The following HLCS variants were observed in gnomAD, a reference collection of about 807,000 sequenced individuals.
HLCS encodes the protein holocarboxylase synthetase.
A neutral mutation model predicts 75.0 loss-of-function variants in HLCS; 53 were observed. That is an observed-to-expected ratio of 0.71 (90% CI 0.57 to 0.89). The LOEUF (loss-of-function observed/expected upper bound fraction) is 0.89. Among genes scored for constraint, HLCS ranks in the 40% least tolerant of loss-of-function variants. The probability of loss-of-function intolerance (pLI) is 0.00; values close to 1 mark genes in which losing one functional copy is unlikely to be tolerated. For missense variants in HLCS, 966 were observed against 1,074.0 expected, an observed-to-expected ratio of 0.90 and a Z score of 1.41; for synonymous variants, 431 against 428.6, an observed-to-expected ratio of 1.01 and a Z score of -0.07.
intron 2 of HLCS, among the ~76,000 whole-genome samples, chr21:36,954,477 G>A (rs192637172): frequency 6.0e-5 from 9 of 150,448 alleles, no homozygotes; most frequent in Admixed American, 4.0e-4. Context: ...TTAACCAGGC[G>A]TGGTGGCGGG....
At chr21:36,879,864 T>C (rs1362832518) in intron 6 of HLCS, among the ~76,000 whole-genome samples, 1 of 150,936 alleles carries the variant, frequency 6.6e-6, no homozygotes, top group African/African-American at 2.4e-5. Context: ...GAGCCGAGAT[T>C]GCACCACTAC....
chr21:36,815,504 T>C (rs1307138481), intron 6 of HLCS, among the ~76,000 whole-genome samples: 1 of 152,188 alleles, frequency 6.6e-6, no homozygotes, highest in Non-Finnish European at 1.5e-5. Context: ...GCAAACAGTT[T>C]TAGACATTCA....
chr21:36,780,625 T>A (rs962331188), intron 6 of HLCS, among the ~76,000 whole-genome samples: 3 of 152,182 alleles, frequency 2.0e-5, no homozygotes, highest in African/African-American at 7.2e-5. Context: ...AAGGACAGTA[T>A]AATGAACACT....
At chr21:36,887,644 T>C (rs150000234) in intron 6 of HLCS, among the ~76,000 whole-genome samples, 46 of 152,342 alleles carry the variant, frequency 3.0e-4, no homozygotes, top group African/African-American at 1.0e-3. Flanking sequence ...AGGCCAAAGT[T>C]ATATTTTAAA....
intron 6 of HLCS, among the ~76,000 whole-genome samples, chr21:36,794,789 T>C (rs574589267): frequency 3.9e-5 from 6 of 152,204 alleles, no homozygotes; most frequent in South Asian, 2.1e-4. Context: ...GAGGACCTGA[T>C]GATGAACTGA....
chr21:36,896,829 C>G, intron 6 of HLCS, 31 bp downstream of exon 6: 1 of 1,611,546 alleles, frequency 6.2e-7, no homozygotes, highest in East Asian at 2.2e-5. Flanking sequence ...CAGGACTCCT[C>G]TGAGCAGATG....
At chr21:36,791,717 C>T (rs2060871026) in intron 6 of HLCS, among the ~76,000 whole-genome samples, 1 of 151,934 alleles carries the variant, frequency 6.6e-6, no homozygotes, top group Admixed American at 6.6e-5. Context: ...GGTGGGCCCT[C>T]GAGGGCCACG....
intron 6 of HLCS, among the ~76,000 whole-genome samples, chr21:36,836,444 C>T: frequency 6.8e-6 from 1 of 146,004 alleles, no homozygotes; most frequent in Admixed American, 6.8e-5. Flanking sequence ...GTATATCTCC[C>T]AATGCTATCC....
At chr21:36,947,017 G>A (rs1355254916) in intron 2 of HLCS, among the ~76,000 whole-genome samples, 1 of 152,138 alleles carries the variant, frequency 6.6e-6, no homozygotes, top group Non-Finnish European at 1.5e-5. Flanking sequence ...GAAGGTGCGT[G>A]GGAAACAGGG....
intron 5 of HLCS, among the ~76,000 whole-genome samples, chr21:36,920,370 TGGGAAGGTG>T (rs2066111610): frequency 6.7e-6 from 1 of 148,320 alleles, no homozygotes; most frequent in Non-Finnish European, 1.5e-5. Context: ...CCCACCCTAG[TGGGAAGGTG>T]GGGCAGAGAT....
chr21:36,938,565 T>C (rs2066997938), intron 3 of HLCS, among the ~76,000 whole-genome samples: 1 of 152,214 alleles, frequency 6.6e-6, no homozygotes, highest in African/African-American at 2.4e-5. Context: ...AGTGGCGTGA[T>C]CATGGCTCAC....
At chr21:36,815,521 T>C (rs2061637213) in intron 6 of HLCS, among the ~76,000 whole-genome samples, 1 of 152,222 alleles carries the variant, frequency 6.6e-6, no homozygotes, top group African/African-American at 2.4e-5. Flanking sequence ...TTCATGCTTC[T>C]CATATTATTA....
At position 36,919,018 on chromosome 21, in the gene HLCS, T is replaced by C. The variant is rs79307458; in HGVS notation, c.1620+11233A>G. Reference sequence around the variant, plus strand: ...GATTGTTTCATTTTAGGTATGACGGTGGAATTGTGATTATGTTTTTAAACA... The same window carrying C: ...GATTGTTTCATTTTAGGTATGACGGCGGAATTGTGATTATGTTTTTAAACA... On this transcript the variant is annotated intron_variant, in intron 5 of 10. Coordinates refer to ENST00000674895, the MANE Select transcript of HLCS (RefSeq NM_001352514.2). Among the ~76,000 whole-genome samples, 81 of 152,344 alleles carry C rather than the reference T, an allele frequency of 5.3e-4. 1 individual carries two copies. The East Asian group carries it at 0.015, about 29-fold the overall frequency.
At chr21:36,906,482 T>C (rs2146376304) in intron 5 of HLCS, among the ~76,000 whole-genome samples, 1 of 152,216 alleles carries the variant, frequency 6.6e-6, no homozygotes, top group Non-Finnish European at 1.5e-5. Flanking sequence ...CAACAAGCCA[T>C]GATGGCACCA....
rs184967843 is a variant in HLCS at position 36,891,569 on chromosome 21, G to A, written c.1892+5291C>T. Among the ~76,000 whole-genome samples the A allele has an allele frequency of 3.3e-5, 5 of 152,240 alleles. No homozygotes were observed. The East Asian group carries it at 5.8e-4, about 18-fold the overall frequency. On this transcript the variant is annotated intron_variant, in intron 6 of 10. Transcript: ENST00000674895. ...CACAGGTTCTCGACTGCTGACTGCC[G>A]CAGCAAAACCTTTGATCGAGTCCTG...
At chr21:36,864,384 A>T (rs892877854) in intron 6 of HLCS, among the ~76,000 whole-genome samples, 1 of 151,834 alleles carries the variant, frequency 6.6e-6, no homozygotes, top group Non-Finnish European at 1.5e-5. Context: ...TGGGCAACAA[A>T]GACTACGTCT....
At chr21:36,905,373 A>G (rs2065407685) in intron 5 of HLCS, among the ~76,000 whole-genome samples, 1 of 152,220 alleles carries the variant, frequency 6.6e-6, no homozygotes, top group Admixed American at 6.5e-5. Flanking sequence ...AAGCATCAAA[A>G]ATAATGCACA....
chr21:36,966,148 T>TGCTGGCGTCCGGCTGTCAATCCACA (rs1365167548), intron 1 of HLCS, among the ~76,000 whole-genome samples: 5 of 152,318 alleles, frequency 3.3e-5, no homozygotes, highest in African/African-American at 1.2e-4. Context: ...AGGTGGGCAC[T>TGCTGGCGTCCGGCTGTCAATCCACA]GCTGGCGTCC....
chr21:36,920,325 C>T (rs149414589), intron 5 of HLCS, among the ~76,000 whole-genome samples: 23 of 150,154 alleles, frequency 1.5e-4, no homozygotes, highest in African/African-American at 5.6e-4. Context: ...AGAACGAGAC[C>T]CTGTCTCAAG....
Sources: gnomAD v4.1 joint callset for allele counts (sites outside exome capture counted in the v4.1 genomes callset) on GRCh38, gnomAD v4.1.1 for gene constraint, MANE v1.5 for transcripts, NCBI Gene and HGNC (gene_info 2026-07-23, HGNC 2026-07-21) for gene names.